STRBP: variants seen among roughly 807,000 people sequenced by gnomAD.
The protein encoded by STRBP is spermatid perinuclear RNA binding protein, also known as spermatid perinuclear RNA-binding protein.
Under a neutral mutation model 80.1 loss-of-function variants are expected in STRBP, and 13 were observed. The observed-to-expected ratio is 0.16, with a 90% CI of 0.11 to 0.26. STRBP has a LOEUF of 0.26. Ranked by LOEUF, STRBP falls within the 10% of genes least tolerant of loss-of-function variation. The pLI is 1.00. For synonymous variants in STRBP, 284 were observed against 291.2 expected (o/e 0.98, Z 0.25); for missense variants, 485 against 815.2 (o/e 0.59, Z 4.93).
chr9:123,243,071 A>G (rs1395777855), intron 1 of STRBP, among the ~76,000 whole-genome samples: 2 of 152,184 alleles, frequency 1.3e-5, no homozygotes, highest in South Asian at 4.1e-4. Flanking sequence ...GACTTATTAT[A>G]TAGCCACAGT....
At chr9:123,206,408 C>T (rs2039516341) in intron 2 of STRBP, among the ~76,000 whole-genome samples, 1 of 152,032 alleles carries the variant, frequency 6.6e-6, no homozygotes, top group Non-Finnish European at 1.5e-5. Flanking sequence ...ATGGGGGAGT[C>T]ATACCTTTTA....
chr9:123,238,642 C>T (rs2040622685), intron 1 of STRBP, among the ~76,000 whole-genome samples: 1 of 152,134 alleles, frequency 6.6e-6, no homozygotes, highest in African/African-American at 2.4e-5. Flanking sequence ...ATCCTAACAT[C>T]CCACGTATGC....
intron 6 of STRBP, among the ~76,000 whole-genome samples, chr9:123,162,805 G>T (rs182929774): frequency 6.6e-6 from 1 of 152,136 alleles, no homozygotes; most frequent in Admixed American, 6.6e-5. Context: ...ATAAACAAAT[G>T]TACCACGGGT....
chr9:123,123,358 AG>A lies in STRBP; in HGVS notation c.*2238del, dbSNP rs1406527338. 1 of 985,310 alleles carries A rather than the reference AG, an allele frequency of 1.0e-6. No homozygotes were observed. Among genetic ancestry groups the A allele is most frequent in the Non-Finnish European group, 1.2e-6 (1 of 829,942 alleles). The allele number at this position is 985,310 out of a possible 1,614,324, so 61.0% of individuals were successfully genotyped here. A position where few individuals can be genotyped will look rare whatever the true frequency, so the allele number is the denominator to read the frequency against. The stretch of plus-strand genomic sequence containing the variant: ...AAAATGGAAGGGTGGGAAGGGCAAC[AG>A]GTGGGGGGACACTTAATTCATTACA... On this transcript the variant is annotated 3_prime_UTR_variant, in exon 19 of 19. Transcript: ENST00000348403.
chr9:123,186,126 T>C (rs1250032456), intron 2 of STRBP, among the ~76,000 whole-genome samples: 1 of 151,598 alleles, frequency 6.6e-6, no homozygotes. Flanking sequence ...GAGGATCACT[T>C]GAGCCTAGGA....
intron 1 of STRBP, among the ~76,000 whole-genome samples, chr9:123,258,686 C>A (rs1225080918): frequency 6.6e-6 from 1 of 151,924 alleles, no homozygotes; most frequent in African/African-American, 2.4e-5. Flanking sequence ...CGCCTGTCGT[C>A]CCAGCTACTC....
At chr9:123,139,436 T>G in intron 14 of STRBP, 93 bp downstream of exon 14, 1 of 1,058,964 alleles carries the variant, frequency 9.4e-7, no homozygotes, top group South Asian at 2.0e-5. Flanking sequence ...GGTTTGCATA[T>G]GCTTTTGATT....
intron 11 of STRBP, among the ~76,000 whole-genome samples, chr9:123,152,160 T>C (rs1023407042): frequency 6.6e-6 from 1 of 152,170 alleles, no homozygotes. Context: ...ATTTAAAACA[T>C]TTCCACAAAG....
At chr9:123,121,435 G>C (rs2035730801), downstream of STRBP, 1 of 152,126 alleles carries the variant, frequency 6.6e-6, no homozygotes, top group Non-Finnish European at 1.5e-5. Flanking sequence ...GGTTGAATAA[G>C]GTGGGAAATA....
In STRBP at chr9:123,124,559, G is replaced by GT. The variant is rs1474594777; in HGVS notation, c.*1037dup. ...AAGAGCAAGTTTTTATGGGGACCCT[G>GT]TTGCTGCTTTAGATTCTGATGTAAT... On this transcript the variant is annotated 3_prime_UTR_variant, in exon 19 of 19. Coordinates refer to ENST00000348403, the MANE Select transcript of STRBP (RefSeq NM_018387.5). The GT allele has an allele frequency of 2.0e-6, 2 of 985,296 alleles. No individual in the cohort carries two copies. The highest frequency in any genetic ancestry group is 3.5e-5 in the African/African-American group (2 of 57,232). 61.0% of individuals were successfully genotyped at this position (985,296 alleles called of 1,614,324 possible). A position where few individuals can be genotyped will look rare whatever the true frequency, so the allele number is the denominator to read the frequency against.
chr9:123,124,345 A>T lies in STRBP; in HGVS notation c.*1252T>A. On this transcript the variant is annotated 3_prime_UTR_variant, in exon 19 of 19. Transcript: ENST00000348403. ...TTAATGAAACCATTGACCTAGTAAC[A>T]TCATTGGCTTTCCAAACAAGGTGAG... 1.0e-6 allele frequency: 1 copy of T among 985,472 alleles called. No homozygotes were observed. 61.0% of individuals were successfully genotyped at this position (985,472 alleles called of 1,614,324 possible).
intron 11 of STRBP, among the ~76,000 whole-genome samples, chr9:123,155,801 C>A (rs112760259): frequency 1.6e-4 from 25 of 151,566 alleles, no homozygotes; most frequent in Non-Finnish European, 3.1e-4. Flanking sequence ...AGAACTGAGA[C>A]ATTAGTGTTG....
At chr9:123,201,854 C>T (rs758653878) in intron 2 of STRBP, among the ~76,000 whole-genome samples, 3 of 152,214 alleles carry the variant, frequency 2.0e-5, no homozygotes, top group Non-Finnish European at 4.4e-5. Context: ...CTGAAATCTA[C>T]CACTGCTATT....
intron 16 of STRBP, among the ~76,000 whole-genome samples, chr9:123,134,571 G>C (rs975233274): frequency 1.3e-5 from 2 of 152,140 alleles, no homozygotes; most frequent in African/African-American, 4.8e-5. Flanking sequence ...ATAGCTTATA[G>C]TATGGAAAAT....
At chr9:123,140,322 C>T (rs1163971286) in intron 13 of STRBP, among the ~76,000 whole-genome samples, 3 of 152,168 alleles carry the variant, frequency 2.0e-5, no homozygotes, top group Non-Finnish European at 2.9e-5. Context: ...CGGCCAGACG[C>T]GGTGGCTCAT....
chr9:123,157,279 A>C (rs953604533), intron 11 of STRBP, among the ~76,000 whole-genome samples: 3 of 152,168 alleles, frequency 2.0e-5, no homozygotes, highest in African/African-American at 7.2e-5. Flanking sequence ...TCCAAGCTTG[A>C]GAAAGATAAT....
Position 123,197,667 on chromosome 9 carries a change from CTTTTTT to C in STRBP, c.-164-13375_-164-13370del, listed in dbSNP as rs71388358. Among the ~76,000 whole-genome samples, 603 of 87,380 alleles carry C rather than the reference CTTTTTT, an allele frequency of 6.9e-3. 7 individuals carry two copies. Among genetic ancestry groups the C allele is most frequent in the African/African-American group, 0.021 (455 of 21,286 alleles). 57.3% of individuals were successfully genotyped at this position (87,380 alleles called of 152,430 possible). On this transcript the variant is annotated intron_variant, in intron 2 of 18. Transcript: ENST00000348403. ...ATACAAGTTGCTGTGAAACATATTT[CTTTTTT>C]TTTTTTTTTTTTTTTTTTTGACACG...
rs1171749013 is a variant in STRBP, at chr9:123,123,739, G to A, written c.*1858C>T. 1.0e-5 allele frequency: 10 copies of A among 985,184 alleles called. No individual in the cohort carries two copies. In the African/African-American group the frequency reaches 1.0e-4, roughly 10 times the overall value. The allele number at this position is 985,184 out of a possible 1,614,324, so 61.0% of individuals were successfully genotyped here. A position where few individuals can be genotyped will look rare whatever the true frequency, so the allele number is the denominator to read the frequency against. ...ACCAATTTCAAATAACAATACAGCC[G>A]CAGCTGCCAATTAATAGTATTCCAA... is the stretch of plus-strand genomic sequence containing the variant. On this transcript the variant is annotated 3_prime_UTR_variant, in exon 19 of 19. Coordinates refer to ENST00000348403, the MANE Select transcript of STRBP (RefSeq NM_018387.5).
intron 6 of STRBP, among the ~76,000 whole-genome samples, chr9:123,166,754 GCAACAA>G (rs72023338): frequency 0.015 from 2,196 of 147,286 alleles, 14 homozygotes; most frequent in South Asian, 0.019. Flanking sequence ...ACTGTCTCCA[GCAACAA>G]CAACAACAAC....
Sources: gnomAD v4.1 joint callset for allele counts (sites outside exome capture counted in the v4.1 genomes callset) on GRCh38, gnomAD v4.1.1 for gene constraint, MANE v1.5 for transcripts, NCBI Gene and HGNC (gene_info 2026-07-23, HGNC 2026-07-21) for gene names.